Variants in INIP observed in about 807,000 individuals in gnomAD.
INIP encodes the protein INTS3 and NABP interacting protein.
A neutral mutation model predicts 14.0 loss-of-function variants in INIP; 9 were observed. The ratio of observed to expected loss-of-function variants is 0.64; its 90% CI spans 0.39 to 1.12. INIP has a LOEUF of 1.12. Among genes scored for constraint, INIP ranks in the 50% most tolerant of loss-of-function variants. The probability of loss-of-function intolerance (pLI) is 0.01; values close to 1 mark genes in which losing one functional copy is unlikely to be tolerated. For synonymous variants in INIP, 37 were observed against 41.5 expected, an observed-to-expected ratio of 0.89 and a Z score of 0.41; for missense variants, 78 against 122.7, an observed-to-expected ratio of 0.64 and a Z score of 1.72.
At chr9:112,695,392 A>C (rs1441625669) in intron 2 of INIP, among the ~76,000 whole-genome samples, 2 of 152,024 alleles carry the variant, frequency 1.3e-5, no homozygotes, top group African/African-American at 4.8e-5. Flanking sequence ...ACCCACATGA[A>C]GGAGTCTAAG....
At chr9:112,699,191 T>C (rs2131296663) in intron 2 of INIP, among the ~76,000 whole-genome samples, 1 of 151,888 alleles carries the variant, frequency 6.6e-6, no homozygotes, top group Admixed American at 6.6e-5. Flanking sequence ...GGTGTGGTGC[T>C]ACATGCCTGT....
At chr9:112,697,213 A>C (rs1203853571) in intron 2 of INIP, among the ~76,000 whole-genome samples, 1 of 152,164 alleles carries the variant, frequency 6.6e-6, no homozygotes, top group Non-Finnish European at 1.5e-5. Flanking sequence ...AATGGGGTTC[A>C]AGGACAAATA....
chr9:112,702,628 G>A (rs921704593), intron 2 of INIP, among the ~76,000 whole-genome samples: 3 of 152,072 alleles, frequency 2.0e-5, no homozygotes, highest in African/African-American at 4.8e-5. Flanking sequence ...GCAGTGGCAC[G>A]ATCTCAGCTC....
At chr9:112,689,979 C>G (rs1837823748) in intron 3 of INIP, among the ~76,000 whole-genome samples, 1 of 152,010 alleles carries the variant, frequency 6.6e-6, no homozygotes, top group Admixed American at 6.6e-5. Context: ...TGAATCACAA[C>G]TTTTCATTAT....
At chr9:112,693,671 C>G (rs1837973457) in intron 3 of INIP, among the ~76,000 whole-genome samples, 2 of 152,128 alleles carry the variant, frequency 1.3e-5, no homozygotes, top group African/African-American at 4.8e-5. Context: ...AGTTTAGCCT[C>G]CCCTATACAA....
intron 2 of INIP, among the ~76,000 whole-genome samples, chr9:112,706,787 T>C (rs976593387): frequency 6.6e-6 from 1 of 152,090 alleles, no homozygotes; most frequent in Non-Finnish European, 1.5e-5. Context: ...AAAAATAGTA[T>C]AGAAACAGGG....
At chr9:112,708,087 T>C (rs1202736041) in intron 2 of INIP, among the ~76,000 whole-genome samples, 1 of 152,214 alleles carries the variant, frequency 6.6e-6, no homozygotes, top group Non-Finnish European at 1.5e-5. Flanking sequence ...ATCAATCAAA[T>C]AATCACATGA....
chr9:112,716,656 A>T lies in INIP; in HGVS notation c.-56-115T>A, dbSNP rs116056894. On this transcript the variant is annotated intron_variant, in intron 1 of 4. Coordinates refer to ENST00000374242, the MANE Select transcript of INIP (RefSeq NM_021218.3). ...GCTGTTTCTTAATCTCTTCAGAAAGATACATTTGTGCCGGGCGCGGTGGCT... is the reference window on the plus strand; with the variant it reads ...GCTGTTTCTTAATCTCTTCAGAAAGTTACATTTGTGCCGGGCGCGGTGGCT... 1,370 of 523,302 alleles carry T rather than the reference A, an allele frequency of 2.6e-3. 10 individuals carry two copies. The highest frequency in any genetic ancestry group is 0.024 in the African/African-American group (1,204 of 49,878). 32.4% of individuals were successfully genotyped at this position (523,302 alleles called of 1,614,324 possible). A position where few individuals can be genotyped will look rare whatever the true frequency, so the allele number is the denominator to read the frequency against.
chr9:112,698,033 G>A (rs1838152989), intron 2 of INIP, among the ~76,000 whole-genome samples: 1 of 152,168 alleles, frequency 6.6e-6, no homozygotes, highest in East Asian at 1.9e-4. Context: ...GGCTGGGCGC[G>A]GTGGCTCACG....
At chr9:112,692,524 T>C (rs1235011725) in intron 3 of INIP, among the ~76,000 whole-genome samples, 3 of 151,992 alleles carry the variant, frequency 2.0e-5, no homozygotes, top group African/African-American at 7.2e-5. Context: ...GCTCAAGTGA[T>C]CCACCCACCT....
chr9:112,691,134 TATA>T (rs1223876755), intron 3 of INIP, among the ~76,000 whole-genome samples: 4 of 152,200 alleles, frequency 2.6e-5, no homozygotes, highest in African/African-American at 9.6e-5. Flanking sequence ...CTGAAGCAGT[TATA>T]ATAATTGAGG....
intron 2 of INIP, among the ~76,000 whole-genome samples, chr9:112,709,027 GC>G (rs1283677468): frequency 1.3e-5 from 2 of 151,910 alleles, no homozygotes; most frequent in Non-Finnish European, 2.9e-5. Context: ...AAGGAATCAA[GC>G]CCTAATGTCT....
At chr9:112,702,861 A>C (rs1455666214) in intron 2 of INIP, among the ~76,000 whole-genome samples, 1 of 152,180 alleles carries the variant, frequency 6.6e-6, no homozygotes, top group Non-Finnish European at 1.5e-5. Context: ...CTGTCCCCGG[A>C]TGAAAAATTT....
At chr9:112,704,461 T>C (rs1838396378) in intron 2 of INIP, among the ~76,000 whole-genome samples, 1 of 152,094 alleles carries the variant, frequency 6.6e-6, no homozygotes, top group South Asian at 2.1e-4. Flanking sequence ...ATATTTCAAT[T>C]AATGGAATAA....
At position 112,687,424 on chromosome 9, in the gene INIP, C is replaced by G. The variant is rs1234557057; in HGVS notation, c.*114G>C. 1.6e-6 allele frequency: 1 copy of G among 639,944 alleles called. No individual in the cohort carries two copies. Among genetic ancestry groups the G allele is most frequent in the Non-Finnish European group, 2.8e-6 (1 of 357,520 alleles). The allele number at this position is 639,944 out of a possible 1,614,324, so 39.6% of individuals were successfully genotyped here. A position where few individuals can be genotyped will look rare whatever the true frequency, so the allele number is the denominator to read the frequency against. ...TACACATTCCTTTCTTTCAGACAAA[C>G]AAAAAATATCAAAGTTCACCAAAAT... On this transcript the variant is annotated 3_prime_UTR_variant, in exon 5 of 5. Coordinates refer to ENST00000374242, the MANE Select transcript of INIP (RefSeq NM_021218.3).
At chr9:112,697,967 C>T (rs1457861265) in intron 2 of INIP, among the ~76,000 whole-genome samples, 3 of 152,166 alleles carry the variant, frequency 2.0e-5, no homozygotes, top group Non-Finnish European at 2.9e-5. Flanking sequence ...GGGCAGTTTG[C>T]TTAAAGTATC....
At chr9:112,701,885 A>C (rs1345364329) in intron 2 of INIP, 2 of 151,490 alleles carry the variant, frequency 1.3e-5, no homozygotes, top group Non-Finnish European at 3.0e-5. Flanking sequence ...CCTTGTCTGT[A>C]CAAAAAAAAA....
At chr9:112,687,907 A>G (rs1393010725) in intron 4 of INIP, among the ~76,000 whole-genome samples, 1 of 151,982 alleles carries the variant, frequency 6.6e-6, no homozygotes, top group Non-Finnish European at 1.5e-5. Flanking sequence ...AACGTGGTGA[A>G]ACCCCGTCTC....
intron 3 of INIP, among the ~76,000 whole-genome samples, chr9:112,691,248 G>A (rs1588072441): frequency 1.3e-5 from 2 of 152,354 alleles, no homozygotes; most frequent in East Asian, 3.9e-4. Flanking sequence ...AGAGAATGGT[G>A]AATGCTTGGA....
Sources: gnomAD v4.1 joint callset for allele counts (sites outside exome capture counted in the v4.1 genomes callset) on GRCh38, gnomAD v4.1.1 for gene constraint, MANE v1.5 for transcripts, NCBI Gene and HGNC (gene_info 2026-07-23, HGNC 2026-07-21) for gene names.